Variants in NCKAP5L observed in about 807,000 individuals in gnomAD.
NCKAP5L encodes nck-associated protein 5-like.
Under a neutral mutation model 103.2 loss-of-function variants are expected in NCKAP5L, and 54 were observed. The ratio of observed to expected loss-of-function variants is 0.52; its 90% CI spans 0.42 to 0.66. The LOEUF (loss-of-function observed/expected upper bound fraction) is 0.66, where lower values mean the gene tolerates loss of function less well. Ranked by LOEUF, NCKAP5L falls within the 30% of genes least tolerant of loss-of-function variation. The pLI, the probability that NCKAP5L is intolerant of heterozygous loss-of-function variation, is 0.00. For synonymous variants in NCKAP5L, 762 were observed against 748.6 expected (o/e 1.02, Z -0.29); for missense variants, 1,733 against 1,750.6 (o/e 0.99, Z 0.18).
In NCKAP5L at chr12:49,795,356, A is replaced by C; in HGVS notation, c.2504T>G (p.Val835Gly). ...GTCAGGCTTGGGGGACTCCTTGGTG[A>C]CTAGCGGAGCCCCAGGTCGAGGCAC... ...KVVPRPGAPL[V>G]TKESPKPDKG... The change falls in exon 8 of 13, where the codon GTC (valine) becomes GGC (glycine). Residue 835 changes from valine to glycine, a missense_variant. By Grantham distance (109) the Val-to-Gly change is moderately radical (BLOSUM62 -3). Transcript: ENST00000335999. The C allele has an allele frequency of 2.6e-6, 4 of 1,544,794 alleles. No homozygotes were observed. Among genetic ancestry groups the C allele is most frequent in the Non-Finnish European group, 3.5e-6 (4 of 1,151,998 alleles).
At chr12:49,815,807 T>A (rs1946289426) in intron 1 of NCKAP5L, among the ~76,000 whole-genome samples, 1 of 152,040 alleles carries the variant, frequency 6.6e-6, no homozygotes, top group African/African-American at 2.4e-5. Context: ...CCTTTTTTTT[T>A]AAGCACTCTC....
intron 1 of NCKAP5L, among the ~76,000 whole-genome samples, chr12:49,828,099 G>T (rs1292408610): frequency 2.0e-5 from 3 of 151,480 alleles, no homozygotes; most frequent in Admixed American, 6.6e-5. Context: ...AGGGGGTGGG[G>T]TGGGGGTGCA....
intron 1 of NCKAP5L, among the ~76,000 whole-genome samples, chr12:49,814,160 TTATA>T (rs141969862): frequency 0.4 from 49,708 of 124,406 alleles, 8,738 homozygotes; most frequent in South Asian, 0.55. Flanking sequence ...TATTTTATAT[TTATA>T]TATATATATA....
chr12:49,796,274 G>A lies in NCKAP5L; in HGVS notation c.1586C>T (p.Thr529Ile). 6.4e-7 allele frequency: 1 copy of A among 1,555,204 alleles called. No homozygotes were observed. The highest frequency in any genetic ancestry group is 8.7e-7 in the Non-Finnish European group (1 of 1,149,966). Residue 529 changes from threonine (T) to isoleucine (I), a missense_variant, in exon 8 of 13, where the codon ACC becomes ATC. Physicochemically the swap from Thr to Ile is moderately conservative, Grantham distance 89. Transcript: ENST00000335999. ...LPTSPSPCYT[T>I]PDSTQLRPPQ... is the part of the protein sequence containing the mutation. The stretch of plus-strand genomic sequence containing the variant: ...GGGTCTGAGCTGTGTGGAGTCTGGG[G>A]TTGTGTAGCAGGGTGAAGGGCTGGT...
chr12:49,802,630 A>C, intron 5 of NCKAP5L: 1 of 349,562 alleles, frequency 2.9e-6, no homozygotes, highest in East Asian at 5.1e-5. Context: ...CCCAATGTCA[A>C]GAAGTTATCC....
Position 49,796,470 on chromosome 12 carries a change from T to C in NCKAP5L, c.1390A>G (p.Thr464Ala), listed in dbSNP as rs1259772638. The C allele has an allele frequency of 6.5e-7, 1 of 1,531,330 alleles. No individual in the cohort carries two copies. The highest frequency in any genetic ancestry group is 8.8e-7 in the Non-Finnish European group (1 of 1,140,298). The allele number at this position is 1,531,330 out of a possible 1,614,324, so 94.9% of individuals were successfully genotyped here. Residue 464 changes from threonine (T) to alanine (A), a missense_variant, in exon 8 of 13, where the codon ACC becomes GCC. Coordinates refer to ENST00000335999, the MANE Select transcript of NCKAP5L (RefSeq NM_001037806.4). ...RGLKFLKLPP[T>A]SEKSPSPGGP... ...CCTGGGCTGGGGCTCTTCTCCGAGGTTGGAGGCAGCTTTAGAAACTTGAGA... is the reference window on the plus strand; with the variant it reads ...CCTGGGCTGGGGCTCTTCTCCGAGGCTGGAGGCAGCTTTAGAAACTTGAGA...
Position 49,792,065 on chromosome 12 carries a change from G to A in NCKAP5L, c.3793-14C>T. ...CACGGGCAGGGCCTGGGAAAGGAGG[G>A]GCAGCTCGGGAGGAAGCTCCTCTCC... On this transcript the variant is annotated splice_polypyrimidine_tract_variant and intron_variant, in intron 12 of 12. Coordinates refer to ENST00000335999, the MANE Select transcript of NCKAP5L (RefSeq NM_001037806.4). The surrounding 1 kb of genome is among the most constrained non-coding windows in gnomAD (Gnocchi z 4.5). 1 of 1,516,698 alleles carries A rather than the reference G, an allele frequency of 6.6e-7. No homozygotes were observed. The highest frequency in any genetic ancestry group is 8.8e-7 in the Non-Finnish European group (1 of 1,137,636). 94.0% of individuals were successfully genotyped at this position (1,516,698 alleles called of 1,614,324 possible).
At position 49,798,415 on chromosome 12, in the gene NCKAP5L, AG is replaced by A; in HGVS notation, c.399del (p.Ser134ProfsTer2). 1.3e-6 allele frequency: 2 copies of A among 1,581,338 alleles called. No homozygotes were observed. The highest frequency in any genetic ancestry group is 1.3e-5 in the African/African-American group (1 of 74,504). On this transcript the variant is annotated frameshift_variant, in exon 7 of 13. Transcript: ENST00000335999. LOFTEE classifies it high-confidence loss of function. ...GCCGGTCCCTCAGTGGAGCTCAGGG[AG>A]GGGGAGGCTGGTGGCTCTGATGGTG... Reference protein sequence around the residue: ...LQPPSEPPASPSLSSTEGPAA... With the variant: ...LQPPSEPPASXSLSSTEGPAA...
chr12:49,802,809 C>T, intron 5 of NCKAP5L, 149 bp downstream of exon 5: 1 of 850,396 alleles, frequency 1.2e-6, no homozygotes, highest in Non-Finnish European at 1.8e-6. Context: ...CCACCTCTGT[C>T]TCTAGGTAGA....
intron 7 of NCKAP5L, among the ~76,000 whole-genome samples, chr12:49,798,107 G>A (rs980733418): frequency 1.3e-5 from 2 of 152,114 alleles, no homozygotes; most frequent in African/African-American, 4.8e-5. Flanking sequence ...TGAGATCCAG[G>A]GTGTTCTACA....
In NCKAP5L at chr12:49,791,688, G is replaced by C. The variant is rs1945936284; in HGVS notation, c.*151C>G. The C allele has an allele frequency of 1.6e-6, 1 of 626,826 alleles. No individual in the cohort carries two copies. The highest frequency in any genetic ancestry group is 1.9e-5 in the African/African-American group (1 of 53,792). 38.8% of individuals were successfully genotyped at this position (626,826 alleles called of 1,614,324 possible). ...CATCCGCCGAAGCAGTGGGTGGTGG[G>C]GTGTGCCAGGGACCCCCTTTTCACC... is the stretch of plus-strand genomic sequence containing the variant. On this transcript the variant is annotated 3_prime_UTR_variant, in exon 13 of 13. Transcript: ENST00000335999.
At chr12:49,816,413 G>A (rs1045241733) in intron 1 of NCKAP5L, among the ~76,000 whole-genome samples, 2 of 144,984 alleles carry the variant, frequency 1.4e-5, no homozygotes, top group African/African-American at 5.2e-5. Context: ...GGCTCTTAGG[G>A]CCCATAGGAC....
At chr12:49,819,798 T>A (rs936298623) in intron 1 of NCKAP5L, among the ~76,000 whole-genome samples, 1 of 152,200 alleles carries the variant, frequency 6.6e-6, no homozygotes, top group Non-Finnish European at 1.5e-5. Context: ...AGAGAAATAT[T>A]AAGCTAAAGC....
intron 2 of NCKAP5L, 71 bp from the exon 3 acceptor site, chr12:49,804,151 T>C: frequency 6.8e-7 from 1 of 1,470,706 alleles, no homozygotes; most frequent in Non-Finnish European, 9.1e-7. Flanking sequence ...TCCTTGGAGC[T>C]TAGGTCAGTG....
intron 1 of NCKAP5L, among the ~76,000 whole-genome samples, chr12:49,822,547 GA>G (rs940439362): frequency 9.3e-5 from 14 of 149,982 alleles, no homozygotes; most frequent in African/African-American, 2.5e-4. Flanking sequence ...GTGGGAGTGA[GA>G]TTTTTTTTTT....
At chr12:49,816,223 C>T (rs956740667) in intron 1 of NCKAP5L, among the ~76,000 whole-genome samples, 4 of 152,160 alleles carry the variant, frequency 2.6e-5, no homozygotes, top group Admixed American at 1.3e-4. Flanking sequence ...CTCCCTGCCA[C>T]GCCCTCTGCC....
intron 1 of NCKAP5L, among the ~76,000 whole-genome samples, chr12:49,818,604 G>A (rs752731356): frequency 1.5e-4 from 23 of 152,054 alleles, no homozygotes; most frequent in Non-Finnish European, 2.6e-4. Context: ...CAAGCAATCT[G>A]CCTGCCTCTC....
chr12:49,808,791 CTTCGGG>C (rs1330272410), intron 1 of NCKAP5L, among the ~76,000 whole-genome samples: 2 of 152,226 alleles, frequency 1.3e-5, no homozygotes, highest in Non-Finnish European at 2.9e-5. Flanking sequence ...AAACCCCAGG[CTTCGGG>C]TTTTTGGAAT....
Position 49,798,417 on chromosome 12 carries a change from G to T in NCKAP5L, c.398C>A (p.Pro133His), listed in dbSNP as rs1273503868. 6.3e-7 allele frequency: 1 copy of T among 1,581,300 alleles called. No individual in the cohort carries two copies. Residue 133 changes from proline to histidine, a missense_variant, in exon 7 of 13, where the codon CCC (proline) becomes CAC (histidine). Pro to His is a moderately conservative substitution (Grantham distance 77). Coordinates refer to ENST00000335999, the MANE Select transcript of NCKAP5L (RefSeq NM_001037806.4). ...LQPPSEPPAS[P>H]SLSSTEGPAA... ...CGGTCCCTCAGTGGAGCTCAGGGAG[G>T]GGGAGGCTGGTGGCTCTGATGGTGG... is the stretch of plus-strand genomic sequence containing the variant.
Sources: gnomAD v4.1 joint callset for allele counts (sites outside exome capture counted in the v4.1 genomes callset) on GRCh38, gnomAD v4.1.1 for gene constraint, Gnocchi (gnomAD v3.1) non-coding constraint, MANE v1.5 for transcripts, NCBI Gene and HGNC (gene_info 2026-07-23, HGNC 2026-07-21) for gene names.